COL14A1: variants seen among roughly 807,000 people sequenced by gnomAD.
COL14A1 encodes collagen type XIV alpha 1 chain.
COL14A1 carries 136 observed loss-of-function variants against 230.3 expected under a neutral mutation model. That is an observed-to-expected ratio of 0.59 (90% CI 0.51 to 0.68). The LOEUF (loss-of-function observed/expected upper bound fraction) is 0.68, where lower values mean the gene tolerates loss of function less well. Ranked by LOEUF, COL14A1 falls within the 30% of genes least tolerant of loss-of-function variation. COL14A1 has a pLI of 0.00. For synonymous variants in COL14A1, 792 were observed against 784.1 expected (o/e 1.01, Z -0.17); for missense variants, 1,976 against 2,215.8 (o/e 0.89, Z 2.17).
In COL14A1 at chr8:120,280,597, C is replaced by T. The variant is rs573315850; in HGVS notation, c.3647-114C>T. On this transcript the variant is annotated intron_variant, in intron 29 of 47. Coordinates refer to ENST00000297848, the MANE Select transcript of COL14A1 (RefSeq NM_021110.4). ...CATAGTCACATTTGATTTGTATTCT[C>T]TCCACAATCAACTTCTGGAAAGATT... 8.1e-6 allele frequency: 8 copies of T among 990,816 alleles called. 1 individual carries two copies. In the Admixed American group the frequency reaches 1.3e-4, roughly 16 times the overall value. The allele number at this position is 990,816 out of a possible 1,614,324, so 61.4% of individuals were successfully genotyped here. A position where few individuals can be genotyped will look rare whatever the true frequency, so the allele number is the denominator to read the frequency against.
chr8:120,186,573 T>A (rs1816658951), intron 5 of COL14A1, among the ~76,000 whole-genome samples: 1 of 152,200 alleles, frequency 6.6e-6, no homozygotes, highest in Admixed American at 6.5e-5. Flanking sequence ...TTCGTTCAAC[T>A]TAGCCTCCAG....
At chr8:120,206,813 C>A in intron 9 of COL14A1, 130 bp from the exon 10 acceptor site, 2 of 868,054 alleles carry the variant, frequency 2.3e-6, no homozygotes, top group Non-Finnish European at 3.4e-6. Context: ...ATAACTGAAT[C>A]AACTTATCTA....
At chr8:120,338,879 C>A (rs1275761278) in intron 42 of COL14A1, among the ~76,000 whole-genome samples, 4 of 151,278 alleles carry the variant, frequency 2.6e-5, no homozygotes, top group African/African-American at 9.8e-5. Context: ...TCCAGTTGGT[C>A]CTTCCAGTAA....
chr8:120,316,432 T>C (rs925810277), intron 40 of COL14A1, among the ~76,000 whole-genome samples: 1 of 152,146 alleles, frequency 6.6e-6, no homozygotes, highest in Non-Finnish European at 1.5e-5. Flanking sequence ...TATTGGTTCT[T>C]CTCATCTGTT....
chr8:120,363,488 G>A (rs1823300325), intron 45 of COL14A1, among the ~76,000 whole-genome samples: 1 of 152,162 alleles, frequency 6.6e-6, no homozygotes, highest in South Asian at 2.1e-4. Flanking sequence ...TAAAACCTAG[G>A]TGATGTGTTG....
At chr8:120,246,357 A>G (rs533439838) in intron 20 of COL14A1, among the ~76,000 whole-genome samples, 2 of 152,294 alleles carry the variant, frequency 1.3e-5, no homozygotes, top group East Asian at 3.9e-4. Flanking sequence ...GAGAGAAGGA[A>G]AACAGAAGAG....
chr8:120,164,759 G>A (rs1312210415), intron 4 of COL14A1, among the ~76,000 whole-genome samples: 1 of 152,178 alleles, frequency 6.6e-6, no homozygotes, highest in Non-Finnish European at 1.5e-5. Context: ...TACTGGCACT[G>A]CACTTTAGTT....
At chr8:120,249,845 G>T (rs1818885234) in intron 21 of COL14A1, among the ~76,000 whole-genome samples, 1 of 152,182 alleles carries the variant, frequency 6.6e-6, no homozygotes, top group African/African-American at 2.4e-5. Context: ...TGCTACTGAG[G>T]TAACACATAC....
chr8:120,228,864 G>T, intron 18 of COL14A1, 95 bp downstream of exon 18: 1 of 1,078,358 alleles, frequency 9.3e-7, no homozygotes, highest in Non-Finnish European at 1.4e-6. Context: ...ACTAGGAAAA[G>T]AGATGACCCT....
At chr8:120,254,157 A>G (rs755062528) in intron 22 of COL14A1, among the ~76,000 whole-genome samples, 1 of 152,192 alleles carries the variant, frequency 6.6e-6, no homozygotes, top group Non-Finnish European at 1.5e-5. Context: ...AGAGAGAGAA[A>G]TAATAGAAAA....
At chr8:120,145,582 A>G (rs898889286) in intron 1 of COL14A1, among the ~76,000 whole-genome samples, 9 of 152,188 alleles carry the variant, frequency 5.9e-5, no homozygotes, top group African/African-American at 2.2e-4. Context: ...GCACCGTTGC[A>G]CTCCAGCCCT....
chr8:120,320,864 A>C (rs1821414430), intron 40 of COL14A1, among the ~76,000 whole-genome samples: 1 of 152,234 alleles, frequency 6.6e-6, no homozygotes, highest in Non-Finnish European at 1.5e-5. Context: ...GAATATGTGC[A>C]GGTGCTTTGC....
At chr8:120,265,716 T>C (rs1163728694) in intron 24 of COL14A1, among the ~76,000 whole-genome samples, 1 of 152,052 alleles carries the variant, frequency 6.6e-6, no homozygotes, top group African/African-American at 2.4e-5. Flanking sequence ...TTCTGTGACT[T>C]GTTTATTTCA....
At chr8:120,334,370 C>A (rs1018571833) in intron 42 of COL14A1, among the ~76,000 whole-genome samples, 3 of 124,850 alleles carry the variant, frequency 2.4e-5, no homozygotes, top group Non-Finnish European at 4.9e-5. Flanking sequence ...ATCTTTATTC[C>A]AACTACAATG....
At chr8:120,339,751 T>C (rs1346629665) in intron 42 of COL14A1, among the ~76,000 whole-genome samples, 1 of 149,854 alleles carries the variant, frequency 6.7e-6, no homozygotes, top group Non-Finnish European at 1.5e-5. Flanking sequence ...AAAAAAAAAG[T>C]GTTGGCCAGG....
At position 120,196,242 on chromosome 8, in the gene COL14A1, A is replaced by G. The variant is rs138626598; in HGVS notation, c.437-549A>G. Among the ~76,000 whole-genome samples, 551 of 152,326 alleles carry G rather than the reference A, an allele frequency of 3.6e-3. 2 individuals carry two copies. The highest frequency in any genetic ancestry group is 0.012 in the African/African-American group (516 of 41,588). On this transcript the variant is annotated intron_variant, in intron 5 of 47. Transcript: ENST00000297848. ...GAAACTCTTTGGCCTTTTTCCCATT[A>G]TCTTGTTCCAAAAGCCCTTCCTACT...
At chr8:120,321,565 C>T (rs944976062) in intron 40 of COL14A1, among the ~76,000 whole-genome samples, 3 of 151,834 alleles carry the variant, frequency 2.0e-5, no homozygotes, top group Non-Finnish European at 4.4e-5. Context: ...ATCACTTGAA[C>T]CGAGGAGGTG....
chr8:120,249,801 T>C (rs142263959), intron 21 of COL14A1, among the ~76,000 whole-genome samples: 130 of 152,304 alleles, frequency 8.5e-4, no homozygotes, highest in African/African-American at 2.9e-3. Context: ...ACATGTATGG[T>C]CATTTGCATT....
chr8:120,349,028 A>C (rs1586887687), intron 45 of COL14A1, among the ~76,000 whole-genome samples: 2 of 152,190 alleles, frequency 1.3e-5, no homozygotes, highest in African/African-American at 4.8e-5. Context: ...CCCAGCACGC[A>C]GCTGGAGATC....
Sources: allele counts gnomAD v4.1 joint callset (sites outside exome capture counted in the v4.1 genomes callset), GRCh38; gene constraint gnomAD v4.1.1; transcripts MANE v1.5; gene names NCBI Gene and HGNC (gene_info 2026-07-23, HGNC 2026-07-21).